The following DENND2A variants were observed in gnomAD, a reference collection of about 807,000 sequenced individuals.
The protein encoded by DENND2A is DENN domain-containing protein 2A.
Under a neutral mutation model 105.3 loss-of-function variants are expected in DENND2A, and 53 were observed. The observed-to-expected ratio is 0.50, with a 90% CI of 0.40 to 0.63. The LOEUF is 0.63. Among genes scored for constraint, DENND2A ranks in the 30% least tolerant of loss-of-function variants. The pLI, the probability that DENND2A is intolerant of heterozygous loss-of-function variation, is 0.00. For missense variants in DENND2A, 1,138 were observed against 1,279.6 expected (o/e 0.89, Z 1.69); for synonymous variants, 522 against 508.4 (o/e 1.03, Z -0.36).
chr7:140,622,569 ATCAGGAGCCT>A (rs1172075846), intron 1 of DENND2A, among the ~76,000 whole-genome samples: 2 of 152,164 alleles, frequency 1.3e-5, no homozygotes, highest in African/African-American at 4.8e-5. Flanking sequence ...CTATCCAGCC[ATCAGGAGCCT>A]TCAGTGCTCA....
intron 1 of DENND2A, among the ~76,000 whole-genome samples, chr7:140,630,530 T>A (rs965419128): frequency 3.9e-5 from 6 of 152,056 alleles, no homozygotes; most frequent in African/African-American, 1.4e-4. Context: ...CAAAACAGTA[T>A]GGCGTCTACA....
At chr7:140,623,193 C>A (rs984743086) in intron 1 of DENND2A, among the ~76,000 whole-genome samples, 2 of 149,692 alleles carry the variant, frequency 1.3e-5, no homozygotes, top group Non-Finnish European at 3.0e-5. Flanking sequence ...CGGGTGCCTA[C>A]AATCCCAGCT....
chr7:140,624,875 T>G (rs1176850150), intron 1 of DENND2A, among the ~76,000 whole-genome samples: 2 of 149,268 alleles, frequency 1.3e-5, no homozygotes, highest in Non-Finnish European at 3.0e-5. Context: ...TTTGTTTTTT[T>G]TTTTTTGCTT....
chr7:140,583,231 C>T (rs1283875904), intron 5 of DENND2A, among the ~76,000 whole-genome samples: 2 of 152,002 alleles, frequency 1.3e-5, no homozygotes, highest in Admixed American at 1.3e-4. Context: ...ATGGCGTGAA[C>T]CCGGGAGGTG....
intron 8 of DENND2A, among the ~76,000 whole-genome samples, chr7:140,568,034 G>A (rs989897594): frequency 1.3e-5 from 2 of 152,168 alleles, no homozygotes; most frequent in South Asian, 2.1e-4. Flanking sequence ...TCCGCCTCCC[G>A]GGTTCAAGTG....
intron 3 of DENND2A, among the ~76,000 whole-genome samples, chr7:140,599,469 A>C (rs1799402855): frequency 6.6e-6 from 1 of 152,078 alleles, no homozygotes. Context: ...GCTCTGTACT[A>C]AGTTTATGTT....
chr7:140,636,680 C>G (rs1017242998), intron 1 of DENND2A, among the ~76,000 whole-genome samples: 1 of 149,392 alleles, frequency 6.7e-6, no homozygotes, highest in Non-Finnish European at 1.5e-5. Context: ...TCTCCCTCCC[C>G]AGCCTTTTTT....
At chr7:140,618,743 G>A (rs1044682151) in intron 1 of DENND2A, among the ~76,000 whole-genome samples, 1 of 152,012 alleles carries the variant, frequency 6.6e-6, no homozygotes, top group Admixed American at 6.6e-5. Flanking sequence ...AGTGTGATGG[G>A]AGAAAGTTTT....
At chr7:140,580,073 A>T (rs1308691379) in intron 5 of DENND2A, among the ~76,000 whole-genome samples, 1 of 152,158 alleles carries the variant, frequency 6.6e-6, no homozygotes, top group Non-Finnish European at 1.5e-5. Context: ...ATGCCACTGC[A>T]CTCCAGCCTG....
At chr7:140,591,064 G>A (rs1327774874) in intron 3 of DENND2A, among the ~76,000 whole-genome samples, 3 of 152,250 alleles carry the variant, frequency 2.0e-5, no homozygotes, top group South Asian at 2.1e-4. Flanking sequence ...TTGGGAGGCC[G>A]AAGCAGGTGG....
chr7:140,563,803 G>T (rs887044439), intron 9 of DENND2A, among the ~76,000 whole-genome samples: 1 of 151,282 alleles, frequency 6.6e-6, no homozygotes, highest in African/African-American at 2.4e-5. Flanking sequence ...GGAAGACCTC[G>T]TCTCTACGAA....
intron 7 of DENND2A, among the ~76,000 whole-genome samples, chr7:140,569,099 AT>A (rs1797987363): frequency 6.6e-6 from 1 of 151,764 alleles, no homozygotes; most frequent in Admixed American, 6.6e-5. Flanking sequence ...TAATTTTTCT[AT>A]TTTTTAGTAG....
At position 140,567,118 on chromosome 7, in the gene DENND2A, C is replaced by T. The variant is rs374336112; in HGVS notation, c.1747G>A (p.Val583Met). Residue 583 changes from valine (V) to methionine (M), a missense_variant, in exon 9 of 20, where the codon GTG becomes ATG. Coordinates refer to ENST00000496613, the MANE Select transcript of DENND2A (RefSeq NM_015689.5). ...GGGAACTGTTGGGTGAGTTCTGGCA[C>T]GTAGGCAGCCCCGGCCTGCTTCTTG... ...LHKKQAGAAYVPELTQQFPLK... is the reference protein window; with the variant it reads ...LHKKQAGAAYMPELTQQFPLK... 8.9e-5 allele frequency: 143 copies of T among 1,604,612 alleles called. No homozygotes were observed. Among genetic ancestry groups the T allele is most frequent in the East Asian group, 1.8e-4 (8 of 44,696 alleles).
At chr7:140,633,183 C>T (rs938670918) in intron 1 of DENND2A, among the ~76,000 whole-genome samples, 14 of 152,186 alleles carry the variant, frequency 9.2e-5, no homozygotes, top group African/African-American at 3.1e-4. Flanking sequence ...CACCTGCCAC[C>T]ATGCCCGACT....
At chr7:140,541,976 A>G (rs900674238) in intron 14 of DENND2A, among the ~76,000 whole-genome samples, 1 of 151,832 alleles carries the variant, frequency 6.6e-6, no homozygotes, top group African/African-American at 2.4e-5. Context: ...CCATTCTTCT[A>G]TGCCTTTTTT....
chr7:140,562,079 G>A (rs544839799), intron 9 of DENND2A, among the ~76,000 whole-genome samples: 5 of 149,678 alleles, frequency 3.3e-5, no homozygotes, highest in East Asian at 2.0e-4. Flanking sequence ...TAATAGAGGC[G>A]GGGCTTCACC....
intron 3 of DENND2A, 55 bp downstream of exon 3, chr7:140,601,348 C>T (rs1219305505): frequency 6.6e-7 from 1 of 1,523,802 alleles, no homozygotes; most frequent in Non-Finnish European, 8.8e-7. Flanking sequence ...TGATGGGACA[C>T]AAACCACTGA....
intron 12 of DENND2A, among the ~76,000 whole-genome samples, chr7:140,549,795 C>A (rs186536764): frequency 6.6e-6 from 1 of 152,102 alleles, no homozygotes; most frequent in Non-Finnish European, 1.5e-5. Context: ...TATTTGGACA[C>A]CTATGTTCCT....
Position 140,554,021 on chromosome 7 carries a change from A to T in DENND2A, c.2037+1615T>A, listed in dbSNP as rs142067729. Among the ~76,000 whole-genome samples the T allele has an allele frequency of 7.2e-3, 1,071 of 149,710 alleles. 12 individuals carry two copies. The highest frequency in any genetic ancestry group is 0.024 in the African/African-American group (995 of 40,794). On this transcript the variant is annotated intron_variant, in intron 12 of 19. Transcript: ENST00000496613. ...GGTGGGCGGATTACGAGGTCAGGAG[A>T]TCAAGACCATCCTGGCCAACATGGT... is the stretch of plus-strand genomic sequence containing the variant.
Sources: gnomAD v4.1 joint callset for allele counts (sites outside exome capture counted in the v4.1 genomes callset) on GRCh38, gnomAD v4.1.1 for gene constraint, MANE v1.5 for transcripts, NCBI Gene and HGNC (gene_info 2026-07-23, HGNC 2026-07-21) for gene names.